BTBD8: variants seen among roughly 807,000 people sequenced by gnomAD.
The protein encoded by BTBD8 is BTB domain containing 8, also known as BTB/POZ domain-containing protein 8.
A neutral mutation model predicts 162.9 loss-of-function variants in BTBD8; 110 were observed. That is an observed-to-expected ratio of 0.68 (90% CI 0.58 to 0.79). The LOEUF is 0.79. Among genes scored for constraint, BTBD8 ranks in the 30% least tolerant of loss-of-function variants. BTBD8 has a pLI of 0.00. For missense variants in BTBD8, 1,905 were observed against 2,085.4 expected, an observed-to-expected ratio of 0.91 and a Z score of 1.68; for synonymous variants, 667 against 716.1, an observed-to-expected ratio of 0.93 and a Z score of 1.10.
intron 1 of BTBD8, among the ~76,000 whole-genome samples, chr1:92,081,208 T>C (rs969448970): frequency 6.6e-6 from 1 of 152,234 alleles, no homozygotes; most frequent in East Asian, 1.9e-4. Flanking sequence ...TGCTTCCTGA[T>C]TGCGACCTGG....
At position 92,142,293 on chromosome 1, in the gene BTBD8, G is replaced by A. The variant is rs369294657; in HGVS notation, c.930+1082G>A. ...CCCTCATATTTCCAGCCAAGTGAAA[G>A]TTAGGGGGATCCAAGTAAATCACAA... is the stretch of plus-strand genomic sequence containing the variant. On this transcript the variant is annotated intron_variant, in intron 7 of 17. Coordinates refer to ENST00000636805, the MANE Select transcript of BTBD8 (RefSeq NM_001376131.1). Among the ~76,000 whole-genome samples the A allele has an allele frequency of 7.2e-5, 11 of 152,346 alleles. No homozygotes were observed. In the East Asian group the frequency reaches 1.5e-3, roughly 21 times the overall value.
chr1:92,132,132 G>C lies in BTBD8; in HGVS notation c.752+2356G>C, dbSNP rs1649531523. Among the ~76,000 whole-genome samples the C allele has an allele frequency of 2.0e-5, 3 of 152,204 alleles. No homozygotes were observed. The South Asian group carries it at 6.2e-4, about 32-fold the overall frequency. On this transcript the variant is annotated intron_variant, in intron 5 of 17. Transcript: ENST00000636805. ...TCAGACTGCTCTTCTTCTCCACTGT[G>C]TAAATCTTTGTCCCACAGAACCCTA...
At chr1:92,165,722 G>A (rs564312054) in intron 9 of BTBD8, among the ~76,000 whole-genome samples, 1 of 152,190 alleles carries the variant, frequency 6.6e-6, no homozygotes, top group South Asian at 2.1e-4. Context: ...CTGAGCTGGG[G>A]GGCTGGTCTT....
rs1163780028 is a variant in BTBD8 at position 92,184,216 on chromosome 1, T to C, written c.5265T>C (p.Ser1755=). The C allele has an allele frequency of 1.3e-6, 2 of 1,551,260 alleles. No individual in the cohort carries two copies. The highest frequency in any genetic ancestry group is 3.9e-5 in the Admixed American group (2 of 50,968). ...ATATTGACACTTTGAACAGATGGAG[T>C]GAACTAACATCTCCACTTGATTCCT... ...ITHIDTLNRW[S]ELTSPLDSSA... is the part of the protein sequence containing the mutation. Residue 1755 remains serine, a synonymous_variant, in exon 18 of 18, where the codon AGT becomes AGC. Transcript: ENST00000636805.
At chr1:92,088,305 A>C (rs1648212075) in intron 1 of BTBD8, among the ~76,000 whole-genome samples, 3 of 152,218 alleles carry the variant, frequency 2.0e-5, no homozygotes. Context: ...GATTTTAAAA[A>C]ATTGATTATT....
At chr1:92,128,514 G>A (rs544244528) in intron 4 of BTBD8, among the ~76,000 whole-genome samples, 25 of 152,094 alleles carry the variant, frequency 1.6e-4, no homozygotes, top group Middle Eastern at 3.4e-3. Flanking sequence ...TCCTGACCTC[G>A]TGATCTGCCT....
At chr1:92,164,508 A>C (rs1329190878) in intron 9 of BTBD8, among the ~76,000 whole-genome samples, 1 of 152,008 alleles carries the variant, frequency 6.6e-6, no homozygotes, top group East Asian at 1.9e-4. Flanking sequence ...AATACCAGCT[A>C]TTTGCATGAC....
intron 4 of BTBD8, 125 bp from the exon 5 acceptor site, chr1:92,129,562 A>G (rs1345082382): frequency 9.3e-6 from 7 of 756,574 alleles, no homozygotes; most frequent in East Asian, 2.7e-5. Flanking sequence ...AATCCTGCCT[A>G]TGAATACAAA....
At chr1:92,161,754 GA>G (rs1362814110) in intron 9 of BTBD8, among the ~76,000 whole-genome samples, 2 of 152,146 alleles carry the variant, frequency 1.3e-5, no homozygotes, top group African/African-American at 4.8e-5. Context: ...TTATTCCTGG[GA>G]AGGTCATAAA....
rs369895599 is a variant in BTBD8 at position 92,108,029 on chromosome 1, T to A, written c.662+28T>A. On this transcript the variant is annotated intron_variant, in intron 4 of 17. Transcript: ENST00000636805. ...AAATAGACACGACTGATTTGCTGTCTTGGTTGTGGCTGTAGAGTGTGGAAG... is the reference window on the plus strand; with the variant it reads ...AAATAGACACGACTGATTTGCTGTCATGGTTGTGGCTGTAGAGTGTGGAAG... 3.4e-4 allele frequency: 538 copies of A among 1,585,546 alleles called. 9 individuals carry two copies. The South Asian group carries it at 4.3e-3, about 13-fold the overall frequency.
chr1:92,113,198 ATG>A (rs1239131372), intron 4 of BTBD8, among the ~76,000 whole-genome samples: 1 of 152,232 alleles, frequency 6.6e-6, no homozygotes, highest in East Asian at 1.9e-4. Context: ...AACCTGAGGC[ATG>A]TGTCCTAATT....
In BTBD8 at chr1:92,175,210, G is replaced by T. The variant is rs571689325; in HGVS notation, c.1636-1619G>T. 1.6e-3 allele frequency among the ~76,000 whole-genome samples: 242 copies of T among 152,086 alleles called. 1 individual carries two copies. Among genetic ancestry groups the T allele is most frequent in the Non-Finnish European group, 3.0e-3 (203 of 67,976 alleles). ...AAAGAATGACAATAGGACGGGCGCG[G>T]TGGCTCACACCTGTAATCCCAGCAC... On this transcript the variant is annotated intron_variant, in intron 13 of 17. Coordinates refer to ENST00000636805, the MANE Select transcript of BTBD8 (RefSeq NM_001376131.1).
intron 15 of BTBD8, 140 bp from the exon 16 acceptor site, chr1:92,178,172 C>A: frequency 1.4e-6 from 1 of 694,116 alleles, no homozygotes. Context: ...CTTAAAAAGA[C>A]TTATGAGCAT....
chr1:92,183,374 G>A (rs1279547889), intron 17 of BTBD8, among the ~76,000 whole-genome samples: 1 of 152,110 alleles, frequency 6.6e-6, no homozygotes, highest in Non-Finnish European at 1.5e-5. Flanking sequence ...GAATAAGGAG[G>A]TCTTTAAAGT....
chr1:92,090,776 G>A (rs905593814), intron 2 of BTBD8, among the ~76,000 whole-genome samples: 6 of 151,986 alleles, frequency 3.9e-5, no homozygotes, highest in East Asian at 3.9e-4. Context: ...TTAAAAACAC[G>A]AAAAAATTAG....
chr1:92,177,519 G>A lies in BTBD8; in HGVS notation c.2326G>A (p.Val776Ile), dbSNP rs1332386939. ...TCCAGGACAGATGATGAAAAACAGT[G>A]TAGATAGTGTCAAAAATTCCACTGT... ...DSPGQMMKNS[V>I]DSVKNSTVAI... Residue 776 changes from valine (V) to isoleucine (I), a missense_variant, in exon 14 of 18, where the codon GTA becomes ATA. Coordinates refer to ENST00000636805, the MANE Select transcript of BTBD8 (RefSeq NM_001376131.1). 1.3e-6 allele frequency: 2 copies of A among 1,540,586 alleles called. No individual in the cohort carries two copies. The highest frequency in any genetic ancestry group is 1.2e-5 in the South Asian group (1 of 82,930).
At chr1:92,111,226 C>T (rs768744628) in intron 4 of BTBD8, among the ~76,000 whole-genome samples, 5 of 152,086 alleles carry the variant, frequency 3.3e-5, no homozygotes, top group South Asian at 2.1e-4. Flanking sequence ...CTCCTGACCT[C>T]GAGTAATCTG....
intron 1 of BTBD8, among the ~76,000 whole-genome samples, chr1:92,088,207 A>T (rs1648210532): frequency 6.6e-6 from 1 of 152,178 alleles, no homozygotes; most frequent in African/African-American, 2.4e-5. Context: ...AGAACTAAGT[A>T]CCAGTTTCTA....
intron 4 of BTBD8, among the ~76,000 whole-genome samples, chr1:92,112,779 A>G (rs1322970355): frequency 1.3e-5 from 2 of 152,236 alleles, no homozygotes; most frequent in African/African-American, 4.8e-5. Context: ...ATAAGAAGTG[A>G]CATGGACAAT....
Sources: gnomAD v4.1 joint callset for allele counts (sites outside exome capture counted in the v4.1 genomes callset) on GRCh38, gnomAD v4.1.1 for gene constraint, MANE v1.5 for transcripts, NCBI Gene and HGNC (gene_info 2026-07-23, HGNC 2026-07-21) for gene names.